Variants in ACOXL observed in about 807,000 individuals in gnomAD.
ACOXL encodes acyl-CoA oxidase like, also known as acyl-coenzyme A oxidase-like protein.
ACOXL carries 70 observed loss-of-function variants against 71.9 expected under a neutral mutation model. The ratio of observed to expected loss-of-function variants is 0.97; its 90% CI spans 0.80 to 1.19. ACOXL has a LOEUF of 1.19. Among genes scored for constraint, ACOXL ranks in the 50% most tolerant of loss-of-function variants. The pLI is 0.00. For synonymous variants in ACOXL, 253 were observed against 281.6 expected (o/e 0.90, Z 1.02); for missense variants, 703 against 736.3 (o/e 0.95, Z 0.52).
At chr2:110,893,606 A>T (rs1408525194) in intron 10 of ACOXL, among the ~76,000 whole-genome samples, 2 of 152,300 alleles carry the variant, frequency 1.3e-5, no homozygotes, top group Non-Finnish European at 1.5e-5. Context: ...TTTTCTATAA[A>T]TTTACCCTAA....
rs778400473 is a variant in ACOXL, at chr2:111,092,827, C to T, written c.1441-38C>T. 9 of 1,381,564 alleles carry T rather than the reference C, an allele frequency of 6.5e-6. No individual in the cohort carries two copies. The Admixed American group carries it at 1.4e-4, about 21-fold the overall frequency. The allele number at this position is 1,381,564 out of a possible 1,614,324, so 85.6% of individuals were successfully genotyped here. ...AGATTTTGTGTTTTCTAATATATTG[C>T]TATTTGTCCATTTCTTTTGTTTTCC... On this transcript the variant is annotated intron_variant, in intron 16 of 17. Coordinates refer to ENST00000439055, the MANE Select transcript of ACOXL (RefSeq NM_001142807.4).
chr2:111,039,691 A>G (rs1186270958), intron 15 of ACOXL, among the ~76,000 whole-genome samples: 1 of 152,220 alleles, frequency 6.6e-6, no homozygotes, highest in African/African-American at 2.4e-5. Context: ...AAAATCACTC[A>G]GAAGTTCTCC....
chr2:110,784,698 G>A (rs915151949), intron 2 of ACOXL, 34 bp from the exon 3 acceptor site: 91 of 1,505,998 alleles, frequency 6.0e-5, no homozygotes, highest in Non-Finnish European at 7.9e-5. Flanking sequence ...AAAACCATAA[G>A]GAAACCTTGA....
chr2:110,863,707 G>A (rs1014617978), intron 10 of ACOXL, among the ~76,000 whole-genome samples: 5 of 152,054 alleles, frequency 3.3e-5, no homozygotes, highest in Admixed American at 6.6e-5. Context: ...AGCACCTGGG[G>A]TTTATGGCCT....
At position 110,880,153 on chromosome 2, in the gene ACOXL, C is replaced by CA. The variant is rs56852121; in HGVS notation, c.789-28617dup. Among the ~76,000 whole-genome samples the CA allele has an allele frequency of 8.6e-3, 732 of 84,696 alleles. 8 individuals are homozygous for CA. The highest frequency in any genetic ancestry group is 0.021 in the African/African-American group (422 of 20,512). 55.6% of individuals were successfully genotyped at this position (84,696 alleles called of 152,430 possible). ...CGACAGAGTGAGACTCTGTCACAAA[C>CA]AAAAAAAAAAAAAAAAAAAGAAAAG... On this transcript the variant is annotated intron_variant, in intron 10 of 17. Coordinates refer to ENST00000439055, the MANE Select transcript of ACOXL (RefSeq NM_001142807.4).
At chr2:111,026,971 A>G (rs528666823) in intron 14 of ACOXL, among the ~76,000 whole-genome samples, 82 of 152,120 alleles carry the variant, frequency 5.4e-4, no homozygotes, top group African/African-American at 2.0e-3. Flanking sequence ...ATCATGGCTC[A>G]CTGCACCTTG....
intron 17 of ACOXL, among the ~76,000 whole-genome samples, chr2:111,104,968 T>C (rs375742955): frequency 7.9e-5 from 12 of 152,170 alleles, no homozygotes; most frequent in Admixed American, 4.6e-4. Context: ...ACATTTTTCA[T>C]TGAGCCATGA....
intron 14 of ACOXL, among the ~76,000 whole-genome samples, chr2:111,021,768 G>T (rs2064771653): frequency 1.3e-5 from 2 of 151,958 alleles, no homozygotes; most frequent in African/African-American, 4.8e-5. Context: ...TGAGACACTT[G>T]AATTAACCCA....
At chr2:110,913,501 C>T (rs142644331) in intron 11 of ACOXL, among the ~76,000 whole-genome samples, 2,060 of 152,182 alleles carry the variant, frequency 0.014, 12 homozygotes, top group Non-Finnish European at 0.02. Context: ...AGGAGCTACT[C>T]GCAAAAATCA....
At chr2:110,842,726 T>C (rs942545202) in intron 10 of ACOXL, among the ~76,000 whole-genome samples, 1 of 152,122 alleles carries the variant, frequency 6.6e-6, no homozygotes, top group African/African-American at 2.4e-5. Context: ...TCTCTGGGTA[T>C]ATGGAGGCTA....
At chr2:110,864,700 G>A (rs1416268233) in intron 10 of ACOXL, among the ~76,000 whole-genome samples, 1 of 152,194 alleles carries the variant, frequency 6.6e-6, no homozygotes, top group Admixed American at 6.5e-5. Flanking sequence ...CCAAGATTCA[G>A]CCTTGCCTGT....
chr2:111,060,451 C>A (rs1172240684), intron 16 of ACOXL, among the ~76,000 whole-genome samples: 2 of 152,190 alleles, frequency 1.3e-5, no homozygotes, highest in East Asian at 3.9e-4. Context: ...CCCACCCCAG[C>A]AGCAACGAGG....
At chr2:111,000,884 A>G (rs971632969) in intron 14 of ACOXL, among the ~76,000 whole-genome samples, 2 of 152,220 alleles carry the variant, frequency 1.3e-5, no homozygotes, top group African/African-American at 2.4e-5. Flanking sequence ...ACCAGGGCTT[A>G]GTACTTCAAC....
rs545617733 is a variant in ACOXL at position 110,809,255 on chromosome 2, G to A, written c.753+3860G>A. On this transcript the variant is annotated intron_variant, in intron 9 of 17. Coordinates refer to ENST00000439055, the MANE Select transcript of ACOXL (RefSeq NM_001142807.4). ...TGTGTACACACTCGTGCATTGTGCT[G>A]TAAGCAGGCACTGGGGTCGTGCTCA... is the stretch of plus-strand genomic sequence containing the variant. Among the ~76,000 whole-genome samples the A allele has an allele frequency of 8.6e-4, 131 of 152,372 alleles. 2 individuals are homozygous for A. The highest frequency in any genetic ancestry group is 8.4e-3 in the Admixed American group (128 of 15,314).
At chr2:110,986,035 C>T (rs968455234) in intron 12 of ACOXL, among the ~76,000 whole-genome samples, 1 of 152,140 alleles carries the variant, frequency 6.6e-6, no homozygotes, top group African/African-American at 2.4e-5. Flanking sequence ...TATTTGTCTG[C>T]TTATATTGCT....
intron 5 of ACOXL, among the ~76,000 whole-genome samples, chr2:110,798,259 T>C (rs1202977197): frequency 8.0e-5 from 10 of 125,650 alleles, no homozygotes; most frequent in Non-Finnish European, 1.7e-4. Flanking sequence ...TATTCATTGC[T>C]TTTTTTTTTT....
chr2:110,899,777 T>G (rs933151581), intron 10 of ACOXL, among the ~76,000 whole-genome samples: 3 of 152,194 alleles, frequency 2.0e-5, no homozygotes, highest in Non-Finnish European at 4.4e-5. Context: ...ACGACTAACA[T>G]TAACCACTCT....
chr2:110,903,231 A>G lies in ACOXL; in HGVS notation c.789-5558A>G, dbSNP rs538879427. ...GAAGAGACCAGAGGGAGAGGGGAGAAGGCGAATGGCGCGGCCCCCCCAGAG... is the reference window on the plus strand; with the variant it reads ...GAAGAGACCAGAGGGAGAGGGGAGAGGGCGAATGGCGCGGCCCCCCCAGAG... On this transcript the variant is annotated intron_variant, in intron 10 of 17. Transcript: ENST00000439055. Among the ~76,000 whole-genome samples, 7 of 152,356 alleles carry G rather than the reference A, an allele frequency of 4.6e-5. No homozygotes were observed. The South Asian group carries it at 1.5e-3, about 32-fold the overall frequency.
chr2:110,870,586 C>T (rs1695151771), intron 10 of ACOXL, among the ~76,000 whole-genome samples: 1 of 152,108 alleles, frequency 6.6e-6, no homozygotes, highest in Admixed American at 6.6e-5. Context: ...ACAGTCAGAG[C>T]TAGAACCCAG....
Sources: gnomAD v4.1 joint callset for allele counts (sites outside exome capture counted in the v4.1 genomes callset) on GRCh38, gnomAD v4.1.1 for gene constraint, MANE v1.5 for transcripts, NCBI Gene and HGNC (gene_info 2026-07-23, HGNC 2026-07-21) for gene names.